Variants in PDE8B observed in about 807,000 individuals in gnomAD.
The protein encoded by PDE8B is phosphodiesterase 8B.
In PDE8B, 26 loss-of-function variants were observed where a neutral mutation model predicts 101.3. That is an observed-to-expected ratio of 0.26 (90% CI 0.19 to 0.36). The LOEUF is 0.36. PDE8B is among the 10% of genes least tolerant of loss of function. PDE8B has a pLI of 1.00. For synonymous variants in PDE8B, 424 were observed against 429.3 expected (o/e 0.99, Z 0.15); for missense variants, 810 against 1,163.1 (o/e 0.70, Z 4.42).
intron 17 of PDE8B, among the ~76,000 whole-genome samples, chr5:77,417,737 G>T (rs1208320339): frequency 6.6e-6 from 1 of 152,008 alleles, no homozygotes. Context: ...CTTTCCCTTG[G>T]TCTTCTTTTA....
intron 12 of PDE8B, 33 bp downstream of exon 12, chr5:77,404,830 T>C: frequency 7.4e-7 from 1 of 1,348,556 alleles, no homozygotes; most frequent in Non-Finnish European, 1.1e-6. Context: ...CTGACCTTTT[T>C]AAAATGTAGA....
chr5:77,316,848 T>C (rs1358116126), intron 2 of PDE8B, among the ~76,000 whole-genome samples: 1 of 152,182 alleles, frequency 6.6e-6, no homozygotes, highest in African/African-American at 2.4e-5. Context: ...GTATACCCCA[T>C]TGATTTCCCT....
chr5:77,426,230 C>A, intron 21 of PDE8B: 1 of 611,846 alleles, frequency 1.6e-6, no homozygotes, highest in South Asian at 2.0e-5. Context: ...TACTCTGAAT[C>A]ACAGGTTCTT....
the PDE8B span, among the ~76,000 whole-genome samples, chr5:77,202,480 TTTTC>T: frequency 6.6e-6 from 1 of 152,204 alleles, no homozygotes; most frequent in Non-Finnish European, 1.5e-5. Context: ...AGTAAATATA[TTTTC>T]TTTTTCTCAT....
chr5:77,385,662 G>A, intron 10 of PDE8B, among the ~76,000 whole-genome samples: 1 of 152,034 alleles, frequency 6.6e-6, no homozygotes, highest in South Asian at 2.1e-4. Flanking sequence ...AGAGATTCTG[G>A]TACATTGTGT....
chr5:77,341,109 A>G (rs1416880289), intron 6 of PDE8B, among the ~76,000 whole-genome samples: 1 of 152,198 alleles, frequency 6.6e-6, no homozygotes, highest in East Asian at 1.9e-4. Context: ...CCAGAAGAGT[A>G]TGAATAATTA....
chr5:77,257,155 G>A (rs1309686034), intron 1 of PDE8B, among the ~76,000 whole-genome samples: 3 of 152,128 alleles, frequency 2.0e-5, no homozygotes, highest in East Asian at 1.9e-4. Context: ...GGGAATGGGG[G>A]GAACTAAGAA....
chr5:77,345,954 G>A (rs554901478), intron 7 of PDE8B, among the ~76,000 whole-genome samples: 1 of 152,136 alleles, frequency 6.6e-6, no homozygotes, highest in Non-Finnish European at 1.5e-5. Flanking sequence ...AGCCCACCCT[G>A]CCTAGGCCCT....
At chr5:77,401,366 C>CCAAGCATTTTTGTGTCCTTTGCAT in intron 11 of PDE8B, among the ~76,000 whole-genome samples, 1 of 152,122 alleles carries the variant, frequency 6.6e-6, no homozygotes, top group South Asian at 2.1e-4. Flanking sequence ...ACAAATTGTT[C>CCAAGCATTTTTGTGTCCTTTGCAT]CAAGCATTTT....
chr5:77,281,905 A>G (rs570394010), intron 1 of PDE8B, among the ~76,000 whole-genome samples: 8 of 152,204 alleles, frequency 5.3e-5, no homozygotes, highest in Non-Finnish European at 1.2e-4. Context: ...ACTACCTGGT[A>G]TATGGGATCA....
At chr5:77,110,097 C>T in the PDE8B span, among the ~76,000 whole-genome samples, 8 of 151,454 alleles carry the variant, frequency 5.3e-5, no homozygotes, top group Non-Finnish European at 1.0e-4. Context: ...ACCACCATGC[C>T]CCAGTAAGTT....
At chr5:77,409,160 T>C (rs1335393300) in intron 14 of PDE8B, 103 bp downstream of exon 14, 10 of 934,002 alleles carry the variant, frequency 1.1e-5, no homozygotes, top group Non-Finnish European at 1.7e-5. Context: ...GTACCTGTTA[T>C]ATAGACTAAC....
the PDE8B span, among the ~76,000 whole-genome samples, chr5:77,172,643 TTTGTATTTGGA>T: frequency 6.6e-6 from 1 of 152,200 alleles, no homozygotes; most frequent in Non-Finnish European, 1.5e-5. Flanking sequence ...GAGTGCTGAT[TTTGTATTTGGA>T]AATTCAGAAA....
At chr5:77,416,127 C>A (rs1036202126) in intron 17 of PDE8B, among the ~76,000 whole-genome samples, 2 of 152,184 alleles carry the variant, frequency 1.3e-5, no homozygotes, top group African/African-American at 2.4e-5. Flanking sequence ...TCTGACAAGG[C>A]CTTGTTGGTG....
chr5:77,278,750 G>C (rs1764356100), intron 1 of PDE8B, among the ~76,000 whole-genome samples: 1 of 152,156 alleles, frequency 6.6e-6, no homozygotes, highest in Non-Finnish European at 1.5e-5. Flanking sequence ...CACCGCGCCA[G>C]GCCCAAAGAG....
intron 2 of PDE8B, among the ~76,000 whole-genome samples, chr5:77,320,251 G>C (rs1283110988): frequency 6.6e-6 from 1 of 152,180 alleles, no homozygotes; most frequent in African/African-American, 2.4e-5. Context: ...CACTACGTAA[G>C]TTTTCAACCC....
At position 77,400,097 on chromosome 5, in the gene PDE8B, T is replaced by C. The variant is rs1044021102; in HGVS notation, c.1168-151T>C. On this transcript the variant is annotated intron_variant, in intron 10 of 21. Transcript: ENST00000264917. Reference sequence around the variant, plus strand: ...GAGCCTTTGGATTAGTACCACTTGGTGTATGTCTTTCATCTGTTCATATTA... The same window carrying C: ...GAGCCTTTGGATTAGTACCACTTGGCGTATGTCTTTCATCTGTTCATATTA... 48 of 649,292 alleles carry C rather than the reference T, an allele frequency of 7.4e-5. 1 individual carries two copies. The Admixed American group carries it at 1.1e-3, about 14-fold the overall frequency. 40.2% of individuals were successfully genotyped at this position (649,292 alleles called of 1,614,324 possible). A position where few individuals can be genotyped will look rare whatever the true frequency, so the allele number is the denominator to read the frequency against.
At chr5:77,344,079 A>G (rs1779720002) in intron 6 of PDE8B, among the ~76,000 whole-genome samples, 1 of 152,214 alleles carries the variant, frequency 6.6e-6, no homozygotes, top group Admixed American at 6.5e-5. Flanking sequence ...TACCTCCTGA[A>G]GGACCTGCCT....
At chr5:77,216,861 TG>T (rs1225037292) in intron 1 of PDE8B, among the ~76,000 whole-genome samples, 4 of 151,594 alleles carry the variant, frequency 2.6e-5, no homozygotes, top group Admixed American at 6.6e-5. Context: ...GGGTGGAGAG[TG>T]GGTCTGGAGG....
Sources: gnomAD v4.1 joint callset for allele counts (sites outside exome capture counted in the v4.1 genomes callset) on GRCh38, gnomAD v4.1.1 for gene constraint, MANE v1.5 for transcripts, NCBI Gene and HGNC (gene_info 2026-07-23, HGNC 2026-07-21) for gene names.